The following PCSK5 variants were observed in gnomAD, a reference collection of about 807,000 sequenced individuals.
The protein encoded by PCSK5 is proprotein convertase subtilisin/kexin type 5.
Under a neutral mutation model 233.2 loss-of-function variants are expected in PCSK5, and 129 were observed. That is an observed-to-expected ratio of 0.55 (90% CI 0.48 to 0.64). PCSK5 has a LOEUF of 0.64. Ranked by LOEUF, PCSK5 falls within the 30% of genes least tolerant of loss-of-function variation. PCSK5 has a pLI of 0.00. For missense variants in PCSK5, 2,076 were observed against 2,430.1 expected (o/e 0.85, Z 3.06); for synonymous variants, 825 against 879.2 (o/e 0.94, Z 1.09).
At chr9:76,349,299 GAA>G (rs1830060898) in intron 35 of PCSK5, among the ~76,000 whole-genome samples, 3 of 133,752 alleles carry the variant, frequency 2.2e-5, no homozygotes, top group Non-Finnish European at 5.1e-5. Context: ...AAAGAAAAAA[GAA>G]AAAGAAAAAT....
chr9:76,322,837 C>T (rs1829247120), intron 31 of PCSK5, among the ~76,000 whole-genome samples: 1 of 152,186 alleles, frequency 6.6e-6, no homozygotes, highest in African/African-American at 2.4e-5. Context: ...TTGTGTAAGT[C>T]CAGCACCATC....
At chr9:76,329,983 C>T (rs1467616087) in intron 33 of PCSK5, among the ~76,000 whole-genome samples, 1 of 152,086 alleles carries the variant, frequency 6.6e-6, no homozygotes, top group African/African-American at 2.4e-5. Context: ...CCTGGAGGAA[C>T]GTGATCTCCA....
At position 76,041,179 on chromosome 9, in the gene PCSK5, G is replaced by C. The variant is rs143199760; in HGVS notation, c.632+14142G>C. Among the ~76,000 whole-genome samples, 472 of 152,256 alleles carry C rather than the reference G, an allele frequency of 3.1e-3. 6 individuals are homozygous for C. Among genetic ancestry groups the C allele is most frequent in the African/African-American group, 0.011 (448 of 41,548 alleles). On this transcript the variant is annotated intron_variant, in intron 5 of 37. Coordinates refer to ENST00000674117, the MANE Select transcript of PCSK5 (RefSeq NM_001372043.1). ...CTTAGAATTATATTTGAAGTAAAAA[G>C]TTCTTTTTATGTAAAATAAAATACA...
intron 2 of PCSK5, among the ~76,000 whole-genome samples, chr9:75,983,839 A>G (rs1826381334): frequency 6.6e-6 from 1 of 152,214 alleles, no homozygotes; most frequent in African/African-American, 2.4e-5. Flanking sequence ...AGACATATGG[A>G]TAATAGCTTA....
intron 2 of PCSK5, among the ~76,000 whole-genome samples, chr9:75,936,177 A>G (rs1366319618): frequency 6.6e-6 from 1 of 152,216 alleles, no homozygotes; most frequent in Non-Finnish European, 1.5e-5. Flanking sequence ...AGTGAGCCAT[A>G]ATCTTTCTGC....
At chr9:76,070,259 C>T (rs1830438927) in intron 6 of PCSK5, among the ~76,000 whole-genome samples, 1 of 152,208 alleles carries the variant, frequency 6.6e-6, no homozygotes, top group Non-Finnish European at 1.5e-5. Context: ...CTCGGCCTCC[C>T]AAAGTGCTGG....
intron 3 of PCSK5, among the ~76,000 whole-genome samples, chr9:75,995,781 A>ACACACACACACT (rs1491211865): frequency 2.1e-5 from 3 of 145,460 alleles, no homozygotes; most frequent in Admixed American, 7.0e-5. Context: ...ACACACACAC[A>ACACACACACACT]CTCACACCTC....
At chr9:75,995,744 TACAC>T (rs35132294) in intron 3 of PCSK5, among the ~76,000 whole-genome samples, 2,304 of 145,926 alleles carry the variant, frequency 0.016, 40 homozygotes, top group East Asian at 0.069. Context: ...GATTCATTCA[TACAC>T]ACACACACAC....
chr9:76,300,290 G>A (rs1828562725), intron 27 of PCSK5, among the ~76,000 whole-genome samples: 1 of 152,184 alleles, frequency 6.6e-6, no homozygotes, highest in East Asian at 1.9e-4. Flanking sequence ...TTATAGATGT[G>A]TACAGCTGTC....
At chr9:76,357,004 T>C (rs1177859060) in intron 37 of PCSK5, among the ~76,000 whole-genome samples, 1 of 152,198 alleles carries the variant, frequency 6.6e-6, no homozygotes, top group Non-Finnish European at 1.5e-5. Context: ...TCTCTGGTTC[T>C]TTCATACTCC....
chr9:76,040,579 T>C lies in PCSK5; in HGVS notation c.632+13542T>C, dbSNP rs1458537132. On this transcript the variant is annotated intron_variant, in intron 5 of 37. Transcript: ENST00000674117. ...GCAAAGAACCAGAGATTAAATGTCA[T>C]TACCAGTGCCCCCTTTTTGCAGAGG... 2.6e-5 allele frequency among the ~76,000 whole-genome samples: 4 copies of C among 152,134 alleles called. No homozygotes were observed. In the East Asian group the frequency reaches 5.8e-4, roughly 22 times the overall value.
rs1244374733 is a variant in PCSK5 at position 76,071,877 on chromosome 9, C to T, written c.873C>T (p.Ala291=). The T allele has an allele frequency of 6.2e-7, 1 of 1,613,956 alleles. No individual in the cohort carries two copies. Among genetic ancestry groups the T allele is most frequent in the Non-Finnish European group, 8.5e-7 (1 of 1,179,990 alleles). The change falls in exon 7 of 38, where the codon GCC becomes GCT. Residue 291 remains alanine (A), a synonymous_variant. Coordinates refer to ENST00000674117, the MANE Select transcript of PCSK5 (RefSeq NM_001372043.1). ...VDGPAPLTRQ[A]FENGVRMGRR... ...GACCAGCCCCCCTCACCCGGCAAGC[C>T]TTTGAAAACGGCGTTAGAATGGTAG...
intron 5 of PCSK5, 128 bp from the exon 6 acceptor site, chr9:76,067,827 T>G: frequency 1.4e-6 from 1 of 704,054 alleles, no homozygotes; most frequent in Non-Finnish European, 2.6e-6. Flanking sequence ...AAAGTGCTAC[T>G]TGGGAAGGAA....
intron 2 of PCSK5, among the ~76,000 whole-genome samples, chr9:75,981,988 C>T (rs1166495206): frequency 6.6e-6 from 1 of 152,186 alleles, no homozygotes; most frequent in Non-Finnish European, 1.5e-5. Flanking sequence ...TCTCTGTATC[C>T]AGCCACTAGT....
At position 76,292,233 on chromosome 9, in the gene PCSK5, A is replaced by T; in HGVS notation, c.3143A>T (p.Asp1048Val). 6.4e-7 allele frequency: 1 copy of T among 1,550,802 alleles called. No individual in the cohort carries two copies. The highest frequency in any genetic ancestry group is 1.1e-5 in the South Asian group (1 of 87,994). ...ACTTTTTATTATTTTTTTTTTCCAG[A>T]TGATCCAGGAACATGTACATCTTGC... is the stretch of plus-strand genomic sequence containing the variant. Reference protein sequence around the residue: ...CEEGCLGCSLDDPGTCTSCAM... With the variant: ...CEEGCLGCSLVDPGTCTSCAM... Residue 1048 changes from aspartate to valine, a missense_variant and splice_region_variant, in exon 25 of 38, where the codon GAT becomes GTT. Asp to Val is a radical substitution (Grantham distance 152, BLOSUM62 -3). Around this residue, in one of 6 missense-constraint regions of PCSK5, gnomAD observed 1,510 missense variants for 1,538.1 expected, o/e 0.98. Transcript: ENST00000674117.
chr9:75,919,431 G>T (rs1006898486), intron 1 of PCSK5, among the ~76,000 whole-genome samples: 1 of 152,166 alleles, frequency 6.6e-6, no homozygotes, highest in Non-Finnish European at 1.5e-5. Context: ...ACAAGTTTTT[G>T]AGTGAACGTT....
At chr9:76,138,459 T>C (rs1823068551) in intron 10 of PCSK5, among the ~76,000 whole-genome samples, 1 of 152,080 alleles carries the variant, frequency 6.6e-6, no homozygotes, top group African/African-American at 2.4e-5. Context: ...GCATTTTTCA[T>C]AACCTACGGC....
At chr9:75,957,614 G>A (rs1171052651) in intron 2 of PCSK5, among the ~76,000 whole-genome samples, 1 of 152,208 alleles carries the variant, frequency 6.6e-6, no homozygotes, top group African/African-American at 2.4e-5. Context: ...AATGGTGACT[G>A]TAGTAGGATC....
chr9:76,229,500 TAG>T (rs1826009210), intron 21 of PCSK5, among the ~76,000 whole-genome samples: 1 of 152,208 alleles, frequency 6.6e-6, no homozygotes, highest in African/African-American at 2.4e-5. Context: ...CTGAAGGAGT[TAG>T]AGAGTCAGTG....
Sources: gnomAD v4.1 joint callset for allele counts (sites outside exome capture counted in the v4.1 genomes callset) on GRCh38, gnomAD v4.1.1 for gene constraint, gnomAD v4.1.1 regional missense constraint, MANE v1.5 for transcripts, NCBI Gene and HGNC (gene_info 2026-07-23, HGNC 2026-07-21) for gene names.